Variants in ITGA8 observed in about 807,000 individuals in gnomAD.
ITGA8 encodes the protein integrin alpha-8.
Under a neutral mutation model 142.3 loss-of-function variants are expected in ITGA8, and 91 were observed. That is an observed-to-expected ratio of 0.64 (90% CI 0.54 to 0.76). The LOEUF is 0.76. Among genes scored for constraint, ITGA8 ranks in the 30% least tolerant of loss-of-function variants. The pLI is 0.00. For missense variants in ITGA8, 1,406 were observed against 1,327.7 expected (o/e 1.06, Z -0.92); for synonymous variants, 505 against 485.2 (o/e 1.04, Z -0.54).
chr10:15,551,983 T>A (rs907341040), intron 26 of ITGA8, among the ~76,000 whole-genome samples: 3 of 152,038 alleles, frequency 2.0e-5, no homozygotes, highest in African/African-American at 7.2e-5. Flanking sequence ...TACATCAACA[T>A]TTAAAGAGAA....
intron 13 of ITGA8, among the ~76,000 whole-genome samples, chr10:15,623,130 C>A (rs1276186602): frequency 7.0e-6 from 1 of 143,438 alleles, no homozygotes; most frequent in African/African-American, 2.5e-5. Flanking sequence ...AAAGATAGAT[C>A]AAAGAAAAGC....
intron 13 of ITGA8, among the ~76,000 whole-genome samples, chr10:15,628,324 G>GTTT (rs4030578): frequency 4.9e-5 from 3 of 61,578 alleles, no homozygotes; most frequent in African/African-American, 2.0e-4. Flanking sequence ...ATTTATTTTG[G>GTTT]TTTTTTTTTT....
intron 22 of ITGA8, among the ~76,000 whole-genome samples, chr10:15,586,880 G>A (rs1201540469): frequency 1.3e-5 from 2 of 151,988 alleles, no homozygotes; most frequent in Non-Finnish European, 2.9e-5. Context: ...TGTCTATGAA[G>A]AGACACTTTA....
chr10:15,629,506 AG>A (rs201722217), intron 13 of ITGA8, among the ~76,000 whole-genome samples: 11 of 151,940 alleles, frequency 7.2e-5, no homozygotes, highest in African/African-American at 1.9e-4. Flanking sequence ...CTTATGTAAA[AG>A]AAAAATGCAG....
chr10:15,591,721 T>C (rs1036740812), intron 22 of ITGA8, among the ~76,000 whole-genome samples: 26 of 152,184 alleles, frequency 1.7e-4, no homozygotes, highest in African/African-American at 6.0e-4. Context: ...CTGCTTATCA[T>C]TGCTAGAGAA....
intron 13 of ITGA8, among the ~76,000 whole-genome samples, chr10:15,626,002 A>G (rs1833575148): frequency 6.6e-6 from 1 of 152,206 alleles, no homozygotes; most frequent in Non-Finnish European, 1.5e-5. Context: ...TGGTGGCTCC[A>G]TCTTTGCCAG....
intron 8 of ITGA8, among the ~76,000 whole-genome samples, chr10:15,666,932 G>C (rs938049014): frequency 4.6e-5 from 7 of 152,174 alleles, no homozygotes; most frequent in African/African-American, 1.7e-4. Context: ...GTACTTTATT[G>C]AGGATTTTTG....
At chr10:15,703,202 C>T (rs577415434) in intron 2 of ITGA8, among the ~76,000 whole-genome samples, 12 of 152,266 alleles carry the variant, frequency 7.9e-5, no homozygotes, top group African/African-American at 2.9e-4. Context: ...TATTAGTCTG[C>T]CTATTGTATA....
At chr10:15,690,270 G>A (rs1473147301) in intron 2 of ITGA8, among the ~76,000 whole-genome samples, 1 of 152,120 alleles carries the variant, frequency 6.6e-6, no homozygotes, top group Non-Finnish European at 1.5e-5. Context: ...TCAACATTGT[G>A]GTATTTTTTC....
chr10:15,563,656 G>A (rs1215311337), intron 25 of ITGA8, among the ~76,000 whole-genome samples: 4 of 152,014 alleles, frequency 2.6e-5, no homozygotes, highest in East Asian at 1.9e-4. Context: ...GGCTCACGCC[G>A]GTAATCCCAG....
intron 2 of ITGA8, among the ~76,000 whole-genome samples, chr10:15,695,551 A>G (rs940844073): frequency 6.6e-6 from 1 of 152,210 alleles, no homozygotes; most frequent in East Asian, 1.9e-4. Context: ...CAATGAAACT[A>G]TGATGCATGG....
At position 15,548,535 on chromosome 10, in the gene ITGA8, A is replaced by G. The variant is rs1833723289; in HGVS notation, c.2800T>C (p.Cys934Arg). The G allele has an allele frequency of 6.2e-7, 1 of 1,609,434 alleles. No homozygotes were observed. Among genetic ancestry groups the G allele is most frequent in the Non-Finnish European group, 8.5e-7 (1 of 1,178,674 alleles). The stretch of plus-strand genomic sequence containing the variant: ...CCTCCTTCGAGTCGTCCCACTGCAC[A>G]GGAGATTTGTAAACACTCGATATTT... ...CTNIECLQIS[C>R]AVGRLEGGES... Residue 934 changes from cysteine (C) to arginine (R), a missense_variant, in exon 27 of 30, where the codon TGT becomes CGT. Physicochemically the swap from Cys to Arg is radical, Grantham distance 180 (BLOSUM62 -3). Transcript: ENST00000378076.
chr10:15,550,103 GA>G (rs1833768089), intron 26 of ITGA8, among the ~76,000 whole-genome samples: 1 of 152,160 alleles, frequency 6.6e-6, no homozygotes, highest in Non-Finnish European at 1.5e-5. Flanking sequence ...TCATGGCAGT[GA>G]ATAAGTCTCA....
At chr10:15,520,591 G>A (rs1833044831) in intron 28 of ITGA8, among the ~76,000 whole-genome samples, 1 of 152,222 alleles carries the variant, frequency 6.6e-6, no homozygotes, top group South Asian at 2.1e-4. Context: ...TTGCTCCTGT[G>A]TTGGAGGCCT....
chr10:15,658,634 T>C (rs941153873), intron 10 of ITGA8, among the ~76,000 whole-genome samples: 1 of 152,200 alleles, frequency 6.6e-6, no homozygotes, highest in Admixed American at 6.5e-5. Context: ...AGCCCAGACA[T>C]TGGCACCTCA....
At chr10:15,593,183 T>C (rs1049059770) in intron 21 of ITGA8, among the ~76,000 whole-genome samples, 44 of 152,248 alleles carry the variant, frequency 2.9e-4, no homozygotes, top group Non-Finnish European at 1.2e-4. Context: ...GGATTACTTT[T>C]TCCTTTTAAA....
intron 23 of ITGA8, among the ~76,000 whole-genome samples, chr10:15,584,220 C>T (rs1834471800): frequency 6.6e-6 from 1 of 152,008 alleles, no homozygotes; most frequent in Non-Finnish European, 1.5e-5. Context: ...TCACTCGAAC[C>T]CTGGAGGGAG....
intron 2 of ITGA8, among the ~76,000 whole-genome samples, chr10:15,703,161 C>T (rs1377536194): frequency 1.3e-5 from 2 of 152,176 alleles, no homozygotes; most frequent in Non-Finnish European, 2.9e-5. Context: ...TTTTCATAAA[C>T]ATGGGCTTGT....
In ITGA8 at chr10:15,548,490, C is replaced by A. The variant is rs372627284; in HGVS notation, c.2845G>T (p.Val949Phe). Residue 949 changes from valine to phenylalanine, a missense_variant, in exon 27 of 30, where the codon GTC (valine) becomes TTC (phenylalanine). Coordinates refer to ENST00000378076, the MANE Select transcript of ITGA8 (RefSeq NM_003638.3). Reference sequence around the variant, plus strand: ...GTGTGGGCCCATAATCGTGACCTGACTTTCAGGACTGCGCTTTCTCCTCCT... The same window carrying A: ...GTGTGGGCCCATAATCGTGACCTGAATTTCAGGACTGCGCTTTCTCCTCCT... ...LEGGESAVLK[V>F]RSRLWAHTFL... 13 of 1,607,532 alleles carry A rather than the reference C, an allele frequency of 8.1e-6. No homozygotes were observed. In the African/African-American group the frequency reaches 1.5e-4, roughly 18 times the overall value.
Sources: allele counts gnomAD v4.1 joint callset (sites outside exome capture counted in the v4.1 genomes callset), GRCh38; gene constraint gnomAD v4.1.1; transcripts MANE v1.5; gene names NCBI Gene and HGNC (gene_info 2026-07-23, HGNC 2026-07-21).